The following MED13L variants were observed in gnomAD, a reference collection of about 807,000 sequenced individuals.
MED13L encodes mediator complex subunit 13L, also known as mediator of RNA polymerase II transcription subunit 13-like.
MED13L carries 7 observed loss-of-function variants against 220.9 expected under a neutral mutation model. The observed-to-expected ratio is 0.03, with a 90% CI of 0.02 to 0.06. The LOEUF is 0.06. Ranked by LOEUF, MED13L falls within the 10% of genes least tolerant of loss-of-function variation. The probability of loss-of-function intolerance (pLI) is 1.00; values close to 1 mark genes in which losing one functional copy is unlikely to be tolerated. For synonymous variants in MED13L, 1,011 were observed against 1,015.2 expected, an observed-to-expected ratio of 1.00 and a Z score of 0.08; for missense variants, 1,965 against 2,760.5, an observed-to-expected ratio of 0.71 and a Z score of 6.46.
At chr12:116,085,750 T>TCACACACACACA (rs201331780) in intron 4 of MED13L, among the ~76,000 whole-genome samples, 1 of 100,058 alleles carries the variant, frequency 1.0e-5, no homozygotes, top group Non-Finnish European at 2.0e-5. Flanking sequence ...AAGATTAAAA[T>TCACACACACACA]CACTCACACA....
chr12:116,223,734 A>G (rs1868673772), intron 2 of MED13L, among the ~76,000 whole-genome samples: 1 of 152,162 alleles, frequency 6.6e-6, no homozygotes. Context: ...AGATACTGCA[A>G]AAAGAGAAGA....
chr12:116,121,610 T>C (rs1351219772), intron 2 of MED13L, among the ~76,000 whole-genome samples: 1 of 152,164 alleles, frequency 6.6e-6, no homozygotes, highest in East Asian at 1.9e-4. Flanking sequence ...AGAATTCAGG[T>C]CACCCAGCCT....
intron 3 of MED13L, among the ~76,000 whole-genome samples, chr12:116,099,823 C>T (rs757448132): frequency 6.6e-6 from 1 of 152,148 alleles, no homozygotes; most frequent in Admixed American, 6.5e-5. Flanking sequence ...TCCAACACTG[C>T]GTGAATAGAG....
chr12:116,099,989 G>C (rs139229779), intron 3 of MED13L, among the ~76,000 whole-genome samples: 26 of 152,278 alleles, frequency 1.7e-4, no homozygotes, highest in African/African-American at 5.5e-4. Flanking sequence ...TTTTTCATTT[G>C]CTAATGAGTT....
intron 8 of MED13L, among the ~76,000 whole-genome samples, chr12:116,013,286 C>T (rs1046982969): frequency 1.3e-5 from 2 of 152,228 alleles, no homozygotes; most frequent in South Asian, 4.1e-4. Flanking sequence ...GACTGCTTAT[C>T]GGTAGCATAT....
chr12:116,199,149 T>A (rs569780171), intron 2 of MED13L, among the ~76,000 whole-genome samples: 15 of 152,342 alleles, frequency 9.8e-5, no homozygotes, highest in African/African-American at 3.6e-4. Context: ...CCTCTGTGAT[T>A]CCCTTTCCAT....
intron 4 of MED13L, among the ~76,000 whole-genome samples, chr12:116,066,630 T>A (rs1869947818): frequency 6.6e-6 from 1 of 152,130 alleles, no homozygotes; most frequent in Non-Finnish European, 1.5e-5. Context: ...AGTATGAGAA[T>A]CCTGTAACAC....
At chr12:115,987,330 A>T in intron 17 of MED13L, 42 bp from the exon 18 acceptor site, 2 of 1,574,598 alleles carry the variant, frequency 1.3e-6, no homozygotes, top group Non-Finnish European at 1.7e-6. Flanking sequence ...TAAGGGGGCT[A>T]GCACCCTCCT....
intron 29 of MED13L, among the ~76,000 whole-genome samples, chr12:115,963,965 T>C (rs962689170): frequency 6.6e-6 from 1 of 152,098 alleles, no homozygotes; most frequent in African/African-American, 2.4e-5. Context: ...TGTGTGCCTG[T>C]AGTCCCAGCT....
chr12:116,035,252 T>C (rs949224360), intron 4 of MED13L, among the ~76,000 whole-genome samples: 3 of 152,166 alleles, frequency 2.0e-5, no homozygotes, highest in Non-Finnish European at 4.4e-5. Context: ...CCAAAGACTT[T>C]AAAAGAGGCA....
Position 116,008,438 on chromosome 12 carries a change from T to C in MED13L, c.1975A>G (p.Lys659Glu), listed in dbSNP as rs1407628951. 1.2e-6 allele frequency: 2 copies of C among 1,612,368 alleles called. No homozygotes were observed. The highest frequency in any genetic ancestry group is 1.7e-6 in the Non-Finnish European group (2 of 1,179,798). ...GTGCTCTCTGAGTTTACCTCCATTT[T>C]GGCATCACATCTCTCACCCTGGAGC... ...PELQGERCDA[K>E]MEVNSESTAL... Residue 659 changes from lysine (K) to glutamate (E), a missense_variant, in exon 10 of 31, where the codon AAA becomes GAA. Lys to Glu is a moderately conservative substitution (Grantham distance 56). This residue lies in a region of MED13L where 818 missense variants were observed against 1,041.2 expected (regional missense o/e 0.79). Coordinates refer to ENST00000281928, the MANE Select transcript of MED13L (RefSeq NM_015335.5).
At position 116,022,701 on chromosome 12, in the gene MED13L, T is replaced by C. The variant is rs2137447850; in HGVS notation, c.480-100A>G. ...AGATACAGCTCTACTTTATCAACCGTCCAGTAAGGCTGACTTCTAATTGTG... is the reference window on the plus strand; with the variant it reads ...AGATACAGCTCTACTTTATCAACCGCCCAGTAAGGCTGACTTCTAATTGTG... On this transcript the variant is annotated intron_variant, in intron 4 of 30. Coordinates refer to ENST00000281928, the MANE Select transcript of MED13L (RefSeq NM_015335.5). 8 of 1,278,610 alleles carry C rather than the reference T, an allele frequency of 6.3e-6. No homozygotes were observed. The South Asian group carries it at 1.0e-4, about 16-fold the overall frequency. 79.2% of individuals were successfully genotyped at this position (1,278,610 alleles called of 1,614,324 possible).
intron 1 of MED13L, among the ~76,000 whole-genome samples, chr12:116,251,940 G>A (rs1871604966): frequency 6.6e-6 from 1 of 151,286 alleles, no homozygotes; most frequent in Admixed American, 6.6e-5. Context: ...CTATTACTAG[G>A]AATAAGGAAA....
chr12:116,133,967 A>T (rs1158632714), intron 2 of MED13L, among the ~76,000 whole-genome samples: 1 of 152,190 alleles, frequency 6.6e-6, no homozygotes, highest in East Asian at 1.9e-4. Flanking sequence ...ATCAGCCCCC[A>T]GCCTGACAGA....
chr12:116,174,570 C>G (rs1879911414), intron 2 of MED13L: 2 of 151,692 alleles, frequency 1.3e-5, no homozygotes, highest in Admixed American at 1.3e-4. Context: ...TTCGATTTTG[C>G]TAACAGATAG....
At chr12:116,221,016 T>C (rs1392547183) in intron 2 of MED13L, among the ~76,000 whole-genome samples, 1 of 152,146 alleles carries the variant, frequency 6.6e-6, no homozygotes, top group African/African-American at 2.4e-5. Flanking sequence ...ACTTATTTGA[T>C]AACTACTAAC....
intron 4 of MED13L, among the ~76,000 whole-genome samples, chr12:116,049,212 C>CT (rs1467292718): frequency 5.3e-5 from 8 of 152,166 alleles, no homozygotes; most frequent in African/African-American, 1.9e-4. Context: ...GCATTAGTGA[C>CT]TGTCTCTTTT....
Position 116,098,020 on chromosome 12 carries a change from A to G in MED13L, c.396-1268T>C, listed in dbSNP as rs558933868. Among the ~76,000 whole-genome samples the G allele has an allele frequency of 3.5e-4, 54 of 152,288 alleles. No individual in the cohort carries two copies. In the Middle Eastern group the frequency reaches 0.01, roughly 29 times the overall value. Reference sequence around the variant, plus strand: ...AGCACTTTGGGAAGCCGAGGCGGGCAGATCACCTGAGGTCAGGAGTTCGAG... The same window carrying G: ...AGCACTTTGGGAAGCCGAGGCGGGCGGATCACCTGAGGTCAGGAGTTCGAG... On this transcript the variant is annotated intron_variant, in intron 3 of 30. Coordinates refer to ENST00000281928, the MANE Select transcript of MED13L (RefSeq NM_015335.5).
chr12:115,970,519 G>C, intron 27 of MED13L, 75 bp downstream of exon 27: 1 of 1,490,668 alleles, frequency 6.7e-7, no homozygotes, highest in Non-Finnish European at 9.3e-7. Context: ...AAAGCCATGC[G>C]GCAGCCCAGT....
Sources: gnomAD v4.1 joint callset for allele counts (sites outside exome capture counted in the v4.1 genomes callset) on GRCh38, gnomAD v4.1.1 for gene constraint, gnomAD v4.1.1 regional missense constraint, MANE v1.5 for transcripts, NCBI Gene and HGNC (gene_info 2026-07-23, HGNC 2026-07-21) for gene names.